The following LRRC4C variants were observed in gnomAD, a reference collection of about 807,000 sequenced individuals.
LRRC4C encodes leucine rich repeat containing 4C.
In LRRC4C, 5 loss-of-function variants were observed where a neutral mutation model predicts 33.6. That is an observed-to-expected ratio of 0.15 (90% CI 0.08 to 0.31). The LOEUF (loss-of-function observed/expected upper bound fraction) is 0.31. LRRC4C is among the 10% of genes least tolerant of loss of function. LRRC4C has a pLI of 1.00. For missense variants in LRRC4C, 560 were observed against 796.7 expected, an observed-to-expected ratio of 0.70 and a Z score of 3.58; for synonymous variants, 329 against 302.0, an observed-to-expected ratio of 1.09 and a Z score of -0.93.
intron 3 of LRRC4C, among the ~76,000 whole-genome samples, chr11:40,555,492 T>C (rs1343394817): frequency 1.3e-5 from 2 of 152,112 alleles, no homozygotes; most frequent in Non-Finnish European, 2.9e-5. Context: ...GAACATACCT[T>C]TTATGAACCT....
chr11:41,047,372 G>T (rs1857846878), intron 1 of LRRC4C, among the ~76,000 whole-genome samples: 1 of 152,082 alleles, frequency 6.6e-6, no homozygotes, highest in Non-Finnish European at 1.5e-5. Flanking sequence ...AGGATTTGGA[G>T]AAATTAACTC....
chr11:41,200,530 T>A (rs2136258728), intron 1 of LRRC4C, among the ~76,000 whole-genome samples: 1 of 152,246 alleles, frequency 6.6e-6, no homozygotes. Flanking sequence ...TTTTAAATTT[T>A]AATTTTTTCA....
intron 1 of LRRC4C, among the ~76,000 whole-genome samples, chr11:41,032,259 T>C (rs1276828919): frequency 6.6e-6 from 1 of 152,056 alleles, no homozygotes; most frequent in Non-Finnish European, 1.5e-5. Context: ...GTCAAGAGTA[T>C]TTGGAGCTGA....
At chr11:40,257,372 A>C (rs1285452524) in intron 4 of LRRC4C, among the ~76,000 whole-genome samples, 2 of 152,182 alleles carry the variant, frequency 1.3e-5, no homozygotes, top group African/African-American at 2.4e-5. Context: ...AAACATAAGA[A>C]CATAAGAGTA....
At chr11:40,988,508 C>T (rs180823739) in intron 1 of LRRC4C, among the ~76,000 whole-genome samples, 1,561 of 152,074 alleles carry the variant, frequency 0.01, 13 homozygotes, top group Middle Eastern at 0.027. Flanking sequence ...CTTACTATGC[C>T]TTCTGAACAA....
intron 2 of LRRC4C, among the ~76,000 whole-genome samples, chr11:40,927,916 T>C (rs1957464358): frequency 6.6e-6 from 1 of 152,158 alleles, no homozygotes; most frequent in South Asian, 2.1e-4. Context: ...AGAGATGTTG[T>C]GTCAGCGGGG....
intron 1 of LRRC4C, among the ~76,000 whole-genome samples, chr11:40,987,649 ATATCT>A (rs1565274426): frequency 2.0e-5 from 1 of 48,790 alleles, no homozygotes; most frequent in Non-Finnish European, 4.1e-5. Flanking sequence ...ATATATATAT[ATATCT>A]CATATATATG....
chr11:40,272,234 T>C (rs945293587), intron 4 of LRRC4C, among the ~76,000 whole-genome samples: 3 of 152,136 alleles, frequency 2.0e-5, no homozygotes, highest in Non-Finnish European at 2.9e-5. Context: ...TTTTTCTCCA[T>C]TGGCCTTAAG....
chr11:40,730,097 G>A (rs141382057), intron 2 of LRRC4C, among the ~76,000 whole-genome samples: 10 of 151,948 alleles, frequency 6.6e-5, no homozygotes, highest in African/African-American at 2.2e-4. Context: ...ACACTCTGGG[G>A]ACTGTTGTGG....
intron 2 of LRRC4C, among the ~76,000 whole-genome samples, chr11:40,720,726 C>G (rs955715313): frequency 6.6e-6 from 1 of 152,270 alleles, no homozygotes; most frequent in South Asian, 2.1e-4. Context: ...TAGACTCTTT[C>G]TATTTTTCCC....
intron 2 of LRRC4C, among the ~76,000 whole-genome samples, chr11:40,677,899 T>C (rs1000647123): frequency 2.0e-5 from 3 of 152,158 alleles, no homozygotes; most frequent in African/African-American, 7.2e-5. Context: ...TCCGGAGTTT[T>C]ACGTGCTATC....
chr11:40,703,684 A>T (rs1444385625), intron 2 of LRRC4C, among the ~76,000 whole-genome samples: 1 of 152,208 alleles, frequency 6.6e-6, no homozygotes, highest in African/African-American at 2.4e-5. Flanking sequence ...TTTAACAGAA[A>T]AGCAAGGCAA....
At chr11:40,136,377 C>A (rs909421092) in intron 6 of LRRC4C, among the ~76,000 whole-genome samples, 6 of 151,994 alleles carry the variant, frequency 3.9e-5, no homozygotes, top group African/African-American at 7.2e-5. Context: ...CGCCATTCTC[C>A]TGCCTCAGCC....
intron 3 of LRRC4C, among the ~76,000 whole-genome samples, chr11:40,475,778 T>C (rs1392149061): frequency 1.3e-5 from 2 of 152,092 alleles, no homozygotes; most frequent in South Asian, 2.1e-4. Context: ...CCTCTTCTTA[T>C]CAGAACGCCA....
chr11:40,901,382 A>G (rs1044381331), intron 2 of LRRC4C, among the ~76,000 whole-genome samples: 1 of 152,118 alleles, frequency 6.6e-6, no homozygotes, highest in Non-Finnish European at 1.5e-5. Flanking sequence ...TGGTAAAAAC[A>G]TATTGATACT....
intron 1 of LRRC4C, among the ~76,000 whole-genome samples, chr11:41,357,138 AAG>A: frequency 6.6e-6 from 1 of 152,196 alleles, no homozygotes; most frequent in South Asian, 2.1e-4. Flanking sequence ...GAAAGACAGA[AAG>A]AGAAGGAGAG....
chr11:40,713,502 T>C (rs1431684646), intron 2 of LRRC4C, among the ~76,000 whole-genome samples: 2 of 152,178 alleles, frequency 1.3e-5, no homozygotes, highest in Non-Finnish European at 2.9e-5. Flanking sequence ...GGTAGCTATA[T>C]ACATTTGAAC....
intron 4 of LRRC4C, among the ~76,000 whole-genome samples, chr11:40,287,039 A>C (rs1943890395): frequency 6.6e-6 from 1 of 152,160 alleles, no homozygotes; most frequent in Admixed American, 6.5e-5. Context: ...CAAGGTAGTC[A>C]ATTATGAACT....
chr11:41,229,615 G>A (rs999912530), intron 1 of LRRC4C, among the ~76,000 whole-genome samples: 1 of 151,986 alleles, frequency 6.6e-6, no homozygotes, highest in Non-Finnish European at 1.5e-5. Flanking sequence ...GTCTTGTATG[G>A]CCAATTTCTC....
Sources: gnomAD v4.1 joint callset for allele counts (sites outside exome capture counted in the v4.1 genomes callset) on GRCh38, gnomAD v4.1.1 for gene constraint, MANE v1.5 for transcripts, NCBI Gene and HGNC (gene_info 2026-07-23, HGNC 2026-07-21) for gene names.